The following GBE1 variants were observed in gnomAD, a reference collection of about 807,000 sequenced individuals.
GBE1 encodes 1,4-alpha-glucan branching enzyme 1.
A neutral mutation model predicts 88.8 loss-of-function variants in GBE1; 70 were observed. The ratio of observed to expected loss-of-function variants is 0.79; its 90% CI spans 0.65 to 0.96. The LOEUF (loss-of-function observed/expected upper bound fraction) is 0.96. GBE1 is among the 40% of genes least tolerant of loss of function. The pLI, the probability that GBE1 is intolerant of heterozygous loss-of-function variation, is 0.00. For missense variants in GBE1, 872 were observed against 871.0 expected, an observed-to-expected ratio of 1.00 and a Z score of -0.01; for synonymous variants, 284 against 300.1, an observed-to-expected ratio of 0.95 and a Z score of 0.56.
chr3:81,575,755 A>G (rs1703639577), intron 12 of GBE1, among the ~76,000 whole-genome samples: 2 of 152,192 alleles, frequency 1.3e-5, no homozygotes, highest in South Asian at 4.1e-4. Flanking sequence ...CACCTTGCTT[A>G]TAACTAAAAC....
intron 12 of GBE1, among the ~76,000 whole-genome samples, chr3:81,544,413 T>C (rs1051117154): frequency 6.6e-6 from 1 of 152,142 alleles, no homozygotes; most frequent in Non-Finnish European, 1.5e-5. Flanking sequence ...GTGTAATAGA[T>C]AGAATGTTCC....
chr3:81,650,012 G>A, intron 3 of GBE1, 91 bp from the exon 4 acceptor site: 2 of 979,846 alleles, frequency 2.0e-6, no homozygotes, highest in Admixed American at 2.3e-5. Flanking sequence ...AAGTAGGAAA[G>A]GAGGACTGAT....
At position 81,668,494 on chromosome 3, in the gene GBE1, C is replaced by T. The variant is rs531383929; in HGVS notation, c.429+2344G>A. On this transcript the variant is annotated intron_variant, in intron 3 of 15. Transcript: ENST00000429644. ...TCGAGTTCTTGTAATGAGTCAATGACAAAATATATGTAAATTAGTTAGCTG... is the reference window on the plus strand; with the variant it reads ...TCGAGTTCTTGTAATGAGTCAATGATAAAATATATGTAAATTAGTTAGCTG... Among the ~76,000 whole-genome samples, 71 of 152,134 alleles carry T rather than the reference C, an allele frequency of 4.7e-4. 1 individual carries two copies. The highest frequency in any genetic ancestry group is 1.5e-3 in the African/African-American group (61 of 41,512).
intron 3 of GBE1, among the ~76,000 whole-genome samples, chr3:81,665,343 C>A (rs1025817834): frequency 2.6e-5 from 4 of 151,468 alleles, no homozygotes; most frequent in Admixed American, 6.6e-5. Context: ...ACCATCCTGG[C>A]TAACACAGTG....
intron 7 of GBE1, among the ~76,000 whole-genome samples, chr3:81,623,398 TAGAC>T (rs1704359826): frequency 2.0e-5 from 3 of 152,358 alleles, no homozygotes; most frequent in South Asian, 2.1e-4. Context: ...CACACACTAA[TAGAC>T]AGCCACTTTA....
chr3:81,704,506 C>CCCCT (rs1705744525), intron 2 of GBE1, among the ~76,000 whole-genome samples: 1 of 152,020 alleles, frequency 6.6e-6, no homozygotes, highest in South Asian at 2.1e-4. Context: ...ACCACCCCAA[C>CCCCT]CCCTGACAAC....
intron 12 of GBE1, among the ~76,000 whole-genome samples, chr3:81,577,370 A>G (rs2106932809): frequency 1.3e-5 from 2 of 152,316 alleles, no homozygotes; most frequent in Admixed American, 1.3e-4. Context: ...TTCACCAACT[A>G]GAAGTCAATT....
intron 1 of GBE1, among the ~76,000 whole-genome samples, chr3:81,730,388 G>T (rs1559701370): frequency 1.3e-5 from 2 of 152,174 alleles, no homozygotes; most frequent in Admixed American, 1.3e-4. Context: ...AAAGAGGTGG[G>T]ACTAGCCCTT....
At position 81,725,087 on chromosome 3, in the gene GBE1, C is replaced by T. The variant is rs148609119; in HGVS notation, c.144-19474G>A. Among the ~76,000 whole-genome samples the T allele has an allele frequency of 3.8e-3, 574 of 152,256 alleles. 2 individuals carry two copies. The highest frequency in any genetic ancestry group is 5.2e-3 in the Non-Finnish European group (355 of 68,004). ...ACTCTTTTAAATGTCTGCTGGTAGA[C>T]GTGTTGCTTCTGTACTCTACTAAAG... On this transcript the variant is annotated intron_variant, in intron 1 of 15. Transcript: ENST00000429644.
chr3:81,490,309 C>G lies in GBE1; in HGVS notation c.*98G>C, dbSNP rs2106796806. On this transcript the variant is annotated 3_prime_UTR_variant, in exon 16 of 16. Coordinates refer to ENST00000429644, the MANE Select transcript of GBE1 (RefSeq NM_000158.4). ...GACACTTGATGGCTTGGCTAGACAACTGTATTCTGAAAAGCATACATGTTA... is the reference window on the plus strand; with the variant it reads ...GACACTTGATGGCTTGGCTAGACAAGTGTATTCTGAAAAGCATACATGTTA... The G allele has an allele frequency of 9.8e-7, 1 of 1,020,176 alleles. No individual in the cohort carries two copies. The highest frequency in any genetic ancestry group is 2.4e-5 in the East Asian group (1 of 41,230). 63.2% of individuals were successfully genotyped at this position (1,020,176 alleles called of 1,614,324 possible). A position where few individuals can be genotyped will look rare whatever the true frequency, so the allele number is the denominator to read the frequency against.
At chr3:81,528,627 CTAA>C (rs1389420727) in intron 14 of GBE1, among the ~76,000 whole-genome samples, 2 of 151,852 alleles carry the variant, frequency 1.3e-5, no homozygotes, top group South Asian at 2.1e-4. Context: ...CTCTTTAGCT[CTAA>C]TAATATTTGC....
chr3:81,698,975 C>T (rs1051927476), intron 2 of GBE1, among the ~76,000 whole-genome samples: 1 of 152,060 alleles, frequency 6.6e-6, no homozygotes, highest in East Asian at 1.9e-4. Context: ...TTCTACAAAA[C>T]ACTGTTTGCT....
intron 3 of GBE1, among the ~76,000 whole-genome samples, chr3:81,659,587 A>G (rs1389373965): frequency 6.8e-6 from 1 of 147,124 alleles, no homozygotes; most frequent in Non-Finnish European, 1.5e-5. Context: ...TGAGCTAGTT[A>G]TCCGCCCACC....
At position 81,754,076 on chromosome 3, in the gene GBE1, A is replaced by G. The variant is rs1001349423; in HGVS notation, c.143+7299T>C. 7.2e-4 allele frequency among the ~76,000 whole-genome samples: 110 copies of G among 152,320 alleles called. 1 individual carries two copies. Among genetic ancestry groups the G allele is most frequent in the African/African-American group, 2.5e-3 (103 of 41,578 alleles). On this transcript the variant is annotated intron_variant, in intron 1 of 15. Coordinates refer to ENST00000429644, the MANE Select transcript of GBE1 (RefSeq NM_000158.4). The stretch of plus-strand genomic sequence containing the variant: ...TACAAAAACATAAAGACTCCACCCA[A>G]AAGCTGTTAGAAGTGGTAAACAAAT...
At chr3:81,527,389 G>A (rs975313134) in intron 14 of GBE1, among the ~76,000 whole-genome samples, 4 of 152,116 alleles carry the variant, frequency 2.6e-5, no homozygotes, top group Admixed American at 6.6e-5. Flanking sequence ...TTAAACTAAA[G>A]AGCTTCTGCA....
intron 3 of GBE1, among the ~76,000 whole-genome samples, chr3:81,666,389 T>G (rs147899740): frequency 1.6e-4 from 24 of 152,324 alleles, no homozygotes; most frequent in South Asian, 4.1e-4. Context: ...TGAATCATGT[T>G]GCATAATTAC....
intron 2 of GBE1, among the ~76,000 whole-genome samples, chr3:81,671,457 T>C (rs1316725714): frequency 6.6e-6 from 1 of 151,798 alleles, no homozygotes; most frequent in Non-Finnish European, 1.5e-5. Flanking sequence ...GTATAGGAAG[T>C]AAAGAAAAGG....
intron 7 of GBE1, among the ~76,000 whole-genome samples, chr3:81,617,723 G>A (rs1230778272): frequency 6.6e-6 from 1 of 151,682 alleles, no homozygotes; most frequent in Non-Finnish European, 1.5e-5. Flanking sequence ...GGGCAATACT[G>A]GCTTCATAAA....
rs927690773 is a variant in GBE1 at position 81,670,878 on chromosome 3, T to A, written c.389A>T (p.Gln130Leu). ...GKWELYIPPK[Q>L]NKSVLVPHGS... ...ATGAGGCACGAGTACAGATTTATTC[T>A]GCTTTGGTGGGATATACAGCTCCCA... is the stretch of plus-strand genomic sequence containing the variant. Residue 130 changes from glutamine to leucine, a missense_variant, in exon 3 of 16, where the codon CAG becomes CTG. Gln to Leu is a moderately radical substitution (Grantham distance 113). Transcript: ENST00000429644. The A allele has an allele frequency of 5.1e-6, 8 of 1,580,798 alleles. No homozygotes were observed. Among genetic ancestry groups the A allele is most frequent in the Non-Finnish European group, 6.9e-6 (8 of 1,167,570 alleles).
Sources: gnomAD v4.1 joint callset for allele counts (sites outside exome capture counted in the v4.1 genomes callset) on GRCh38, gnomAD v4.1.1 for gene constraint, MANE v1.5 for transcripts, NCBI Gene and HGNC (gene_info 2026-07-23, HGNC 2026-07-21) for gene names.